CDH18: variants seen among roughly 807,000 people sequenced by gnomAD.
The protein encoded by CDH18 is cadherin-18.
A neutral mutation model predicts 67.9 loss-of-function variants in CDH18; 31 were observed. The ratio of observed to expected loss-of-function variants is 0.46; its 90% CI spans 0.34 to 0.62. The LOEUF (loss-of-function observed/expected upper bound fraction) is 0.62. Among genes scored for constraint, CDH18 ranks in the 20% least tolerant of loss-of-function variants. The pLI, the probability that CDH18 is intolerant of heterozygous loss-of-function variation, is 0.01. For synonymous variants in CDH18, 362 were observed against 347.2 expected (o/e 1.04, Z -0.48); for missense variants, 890 against 975.5 (o/e 0.91, Z 1.17).
At chr5:19,878,159 G>C (rs995647235) in intron 2 of CDH18, 18 of 151,910 alleles carry the variant, frequency 1.2e-4, no homozygotes, top group East Asian at 3.9e-4. Context: ...AATTTGAGGG[G>C]AATTTCAACT....
At chr5:20,513,781 T>G (rs913192445) in intron 1 of CDH18, among the ~76,000 whole-genome samples, 2 of 41,300 alleles carry the variant, frequency 4.8e-5, no homozygotes, top group African/African-American at 1.5e-4. Flanking sequence ...TTTGGGGAAT[T>G]AATTTGAATG....
chr5:20,345,845 T>C (rs968253022), intron 1 of CDH18, among the ~76,000 whole-genome samples: 1 of 152,108 alleles, frequency 6.6e-6, no homozygotes, highest in African/African-American at 2.4e-5. Context: ...TAATACAATT[T>C]ATAAGAAGTC....
intron 2 of CDH18, among the ~76,000 whole-genome samples, chr5:20,130,406 T>G (rs1289127710): frequency 4.0e-5 from 6 of 150,520 alleles, no homozygotes; most frequent in Non-Finnish European, 7.4e-5. Flanking sequence ...CCTTAGTTTT[T>G]TTTTTTTTTT....
At chr5:20,274,686 A>C (rs1367730114) in intron 1 of CDH18, among the ~76,000 whole-genome samples, 4 of 152,148 alleles carry the variant, frequency 2.6e-5, no homozygotes, top group Non-Finnish European at 5.9e-5. Flanking sequence ...GAAGATAAGA[A>C]TATATATATT....
chr5:20,407,788 A>G (rs996665836), intron 1 of CDH18, among the ~76,000 whole-genome samples: 2 of 152,008 alleles, frequency 1.3e-5, no homozygotes, highest in African/African-American at 4.8e-5. Context: ...GGAGACAAAT[A>G]TACACATTAG....
chr5:19,787,809 T>TTTTATATATATATATA (rs1554034046), intron 3 of CDH18, among the ~76,000 whole-genome samples: 6 of 144,400 alleles, frequency 4.2e-5, no homozygotes, highest in African/African-American at 1.5e-4. Context: ...TAATTTACAG[T>TTTTATATATATATATA]TATATATATA....
intron 5 of CDH18, among the ~76,000 whole-genome samples, chr5:19,700,105 T>C (rs2150471757): frequency 6.6e-6 from 1 of 152,322 alleles, no homozygotes; most frequent in East Asian, 1.9e-4. Context: ...ACAATTATAT[T>C]TTTGTAAAGT....
intron 2 of CDH18, among the ~76,000 whole-genome samples, chr5:20,252,057 T>C (rs1425565694): frequency 6.6e-6 from 1 of 152,178 alleles, no homozygotes; most frequent in Admixed American, 6.5e-5. Context: ...CAAATACTTA[T>C]GCAGCTGTTT....
intron 5 of CDH18, among the ~76,000 whole-genome samples, chr5:19,658,568 T>G (rs1756725452): frequency 6.6e-6 from 1 of 152,130 alleles, no homozygotes; most frequent in African/African-American, 2.4e-5. Flanking sequence ...ACTTTTAATT[T>G]TATAACTGCC....
chr5:20,565,135 T>C (rs1015653923), intron 1 of CDH18, among the ~76,000 whole-genome samples: 1 of 152,184 alleles, frequency 6.6e-6, no homozygotes, highest in Non-Finnish European at 1.5e-5. Context: ...CGATGCAGAA[T>C]AGCTCTTCTT....
At chr5:20,505,057 G>A (rs752356222) in intron 1 of CDH18, among the ~76,000 whole-genome samples, 1 of 151,648 alleles carries the variant, frequency 6.6e-6, no homozygotes, top group African/African-American at 2.4e-5. Context: ...GTCGGCCATC[G>A]CGCCTGGCCA....
chr5:20,299,694 G>T (rs1747810397), intron 1 of CDH18, among the ~76,000 whole-genome samples: 1 of 144,602 alleles, frequency 6.9e-6, no homozygotes. Flanking sequence ...GGAGTCAGAG[G>T]TTGCAGTGAG....
intron 2 of CDH18, among the ~76,000 whole-genome samples, chr5:19,886,529 T>C (rs998200628): frequency 6.6e-6 from 1 of 152,202 alleles, no homozygotes; most frequent in African/African-American, 2.4e-5. Context: ...ATTTTCTGAC[T>C]TAGGATGTTC....
chr5:20,090,362 C>A (rs879724628), intron 2 of CDH18, among the ~76,000 whole-genome samples: 6 of 151,954 alleles, frequency 3.9e-5, no homozygotes, highest in African/African-American at 1.4e-4. Flanking sequence ...TAGAGAAACC[C>A]CGTCTCTACC....
intron 1 of CDH18, among the ~76,000 whole-genome samples, chr5:20,536,590 T>C (rs928690933): frequency 6.6e-6 from 1 of 152,094 alleles, no homozygotes; most frequent in Non-Finnish European, 1.5e-5. Context: ...AGGAAATGGT[T>C]ATAATGGTGG....
chr5:19,623,531 A>C (rs905703676), intron 5 of CDH18, among the ~76,000 whole-genome samples: 22 of 152,170 alleles, frequency 1.4e-4, no homozygotes, highest in Middle Eastern at 3.2e-3. Flanking sequence ...GAGAAATATT[A>C]TCATATAGAC....
chr5:20,090,474 G>A (rs182565943), intron 2 of CDH18, among the ~76,000 whole-genome samples: 1 of 152,186 alleles, frequency 6.6e-6, no homozygotes, highest in East Asian at 1.9e-4. Context: ...GGCAGAGGCT[G>A]CAATGAGCCA....
intron 3 of CDH18, among the ~76,000 whole-genome samples, chr5:19,758,283 T>A (rs1464262436): frequency 6.6e-6 from 1 of 152,164 alleles, no homozygotes. Flanking sequence ...TGTAGTCAAA[T>A]GTTCAGTTTC....
intron 1 of CDH18, among the ~76,000 whole-genome samples, chr5:20,391,381 T>C (rs903666287): frequency 6.6e-6 from 1 of 152,008 alleles, no homozygotes; most frequent in African/African-American, 2.4e-5. Flanking sequence ...ATGCTAATAG[T>C]TGCTATATGA....
Sources: gnomAD v4.1 joint callset for allele counts (sites outside exome capture counted in the v4.1 genomes callset) on GRCh38, gnomAD v4.1.1 for gene constraint, MANE v1.5 for transcripts, NCBI Gene and HGNC (gene_info 2026-07-23, HGNC 2026-07-21) for gene names.